Variants in MFHAS1 observed in about 807,000 individuals in gnomAD.
MFHAS1 encodes the protein multifunctional ROCO family signaling regulator 1.
Under a neutral mutation model 70.4 loss-of-function variants are expected in MFHAS1, and 50 were observed. The ratio of observed to expected loss-of-function variants is 0.71; its 90% CI spans 0.57 to 0.90. MFHAS1 has a LOEUF of 0.90. MFHAS1 is among the 40% of genes least tolerant of loss of function. MFHAS1 has a pLI of 0.00. For missense variants in MFHAS1, 1,795 were observed against 1,347.6 expected, an observed-to-expected ratio of 1.33 and a Z score of -5.20; for synonymous variants, 952 against 620.0, an observed-to-expected ratio of 1.54 and a Z score of -7.96.
chr8:8,831,234 T>C (rs929083945), intron 1 of MFHAS1, among the ~76,000 whole-genome samples: 2 of 152,186 alleles, frequency 1.3e-5, no homozygotes, highest in East Asian at 1.9e-4. Flanking sequence ...AACCTCCTTA[T>C]AGACTCTATC....
At chr8:8,869,968 T>C (rs988024692) in intron 1 of MFHAS1, among the ~76,000 whole-genome samples, 7 of 152,138 alleles carry the variant, frequency 4.6e-5, no homozygotes, top group East Asian at 1.9e-4. Flanking sequence ...TCTTACTCCA[T>C]TGAAATCCAT....
intron 1 of MFHAS1, among the ~76,000 whole-genome samples, chr8:8,853,976 G>C (rs1355072153): frequency 6.6e-6 from 1 of 152,150 alleles, no homozygotes. Flanking sequence ...TTCCATAAAA[G>C]ACACCAACCA....
intron 1 of MFHAS1, among the ~76,000 whole-genome samples, chr8:8,872,843 G>T (rs1209708531): frequency 6.6e-6 from 1 of 152,158 alleles, no homozygotes; most frequent in Non-Finnish European, 1.5e-5. Flanking sequence ...GCACATGTGT[G>T]TTTTTCTTGG....
At chr8:8,865,196 G>C (rs117918325) in intron 1 of MFHAS1, among the ~76,000 whole-genome samples, 1 of 140,690 alleles carries the variant, frequency 7.1e-6, no homozygotes, top group Admixed American at 8.2e-5. Flanking sequence ...AGAATCGCTC[G>C]AACCCAGGAG....
chr8:8,889,461 T>C (rs1259389717), intron 1 of MFHAS1, among the ~76,000 whole-genome samples: 1 of 152,244 alleles, frequency 6.6e-6, no homozygotes. Context: ...TAATTTTTAC[T>C]TTCTAATTAC....
intron 2 of MFHAS1, among the ~76,000 whole-genome samples, chr8:8,794,076 G>A (rs554050800): frequency 6.6e-6 from 1 of 152,218 alleles, no homozygotes; most frequent in East Asian, 1.9e-4. Context: ...TGTAGTCCTA[G>A]CTACTTAGGA....
intron 1 of MFHAS1, among the ~76,000 whole-genome samples, chr8:8,865,616 G>A (rs765814973): frequency 1.6e-4 from 25 of 152,172 alleles, no homozygotes; most frequent in Non-Finnish European, 3.1e-4. Context: ...TTAGAAAATG[G>A]CTGTTAAGTA....
intron 1 of MFHAS1, among the ~76,000 whole-genome samples, chr8:8,827,792 G>T (rs1482648636): frequency 6.6e-6 from 1 of 151,842 alleles, no homozygotes; most frequent in African/African-American, 2.4e-5. Context: ...ACGCTTTGGG[G>T]GGAAAAAAGT....
intron 1 of MFHAS1, among the ~76,000 whole-genome samples, chr8:8,814,920 G>A (rs1042801935): frequency 6.7e-6 from 1 of 149,928 alleles, no homozygotes; most frequent in Admixed American, 6.7e-5. Flanking sequence ...TGTTACATGG[G>A]TAAACGTGTG....
intron 1 of MFHAS1, among the ~76,000 whole-genome samples, chr8:8,840,969 C>G (rs1426883849): frequency 6.6e-6 from 1 of 152,164 alleles, no homozygotes; most frequent in African/African-American, 2.4e-5. Flanking sequence ...ACAAGGCACA[C>G]AAACTATGAC....
intron 1 of MFHAS1, among the ~76,000 whole-genome samples, chr8:8,888,687 T>C (rs2116944906): frequency 6.6e-6 from 1 of 152,214 alleles, no homozygotes; most frequent in East Asian, 1.9e-4. Context: ...AAAAGATCTG[T>C]GGTTGCCGGG....
intron 1 of MFHAS1, among the ~76,000 whole-genome samples, chr8:8,801,583 G>C (rs1290397374): frequency 6.6e-6 from 1 of 152,198 alleles, no homozygotes; most frequent in East Asian, 1.9e-4. Context: ...CTTTCAAAAT[G>C]ATCTTAACTC....
intron 1 of MFHAS1, among the ~76,000 whole-genome samples, chr8:8,832,095 A>G (rs1247367904): frequency 9.3e-6 from 1 of 107,860 alleles, no homozygotes; most frequent in Non-Finnish European, 2.1e-5. Flanking sequence ...CACACGCACC[A>G]AAGTAACTTG....
In MFHAS1 at chr8:8,891,539, T is replaced by C. The variant is rs202143016; in HGVS notation, c.1520A>G (p.Tyr507Cys). The change falls in exon 1 of 3, where the codon TAT (tyrosine) becomes TGT (cysteine). Residue 507 changes from tyrosine (Y) to cysteine (C), a missense_variant. By Grantham distance (194) the Tyr-to-Cys change is radical. Transcript: ENST00000276282. This position sits in a 1 kb window ranked among gnomAD's most constrained non-coding sequence, Gnocchi z 5.4. ...LYVLVVNLAT[Y>C]EPRHFPTTVG... Reference sequence around the variant, plus strand: ...GGTGGTAGGAAAGTGGCGAGGCTCATAGGTGGCCAAGTTGACCACCAGCAC... The same window carrying C: ...GGTGGTAGGAAAGTGGCGAGGCTCACAGGTGGCCAAGTTGACCACCAGCAC... 3 of 1,613,070 alleles carry C rather than the reference T, an allele frequency of 1.9e-6. No homozygotes were observed. The highest frequency in any genetic ancestry group is 2.5e-6 in the Non-Finnish European group (3 of 1,180,018).
At chr8:8,842,978 G>A (rs7016846) in intron 1 of MFHAS1, among the ~76,000 whole-genome samples, 14 of 152,138 alleles carry the variant, frequency 9.2e-5, no homozygotes, top group East Asian at 3.9e-4. Flanking sequence ...CTAAGAAAGC[G>A]AAAGAGGCCG....
intron 1 of MFHAS1, among the ~76,000 whole-genome samples, chr8:8,833,453 A>AC (rs781281664): frequency 9.9e-5 from 15 of 151,960 alleles, no homozygotes; most frequent in Non-Finnish European, 1.2e-4. Context: ...ACACAGGGAG[A>AC]CCCCATGTCT....
At chr8:8,857,544 G>C (rs1226435530) in intron 1 of MFHAS1, among the ~76,000 whole-genome samples, 8 of 152,098 alleles carry the variant, frequency 5.3e-5, no homozygotes, top group Admixed American at 3.9e-4. Flanking sequence ...GGATCACAAG[G>C]TCAGGAGCTC....
chr8:8,837,954 T>C (rs191360661), intron 1 of MFHAS1, among the ~76,000 whole-genome samples: 2 of 152,308 alleles, frequency 1.3e-5, no homozygotes, highest in African/African-American at 4.8e-5. Flanking sequence ...AACAATGACA[T>C]GTCCAGCACA....
intron 1 of MFHAS1, among the ~76,000 whole-genome samples, chr8:8,836,328 A>G (rs1014058212): frequency 6.6e-6 from 1 of 152,144 alleles, no homozygotes; most frequent in Non-Finnish European, 1.5e-5. Flanking sequence ...GTAATTATCA[A>G]TGGCTCTTGG....
Sources: gnomAD v4.1 joint callset for allele counts (sites outside exome capture counted in the v4.1 genomes callset) on GRCh38, gnomAD v4.1.1 for gene constraint, Gnocchi (gnomAD v3.1) non-coding constraint, MANE v1.5 for transcripts, NCBI Gene and HGNC (gene_info 2026-07-23, HGNC 2026-07-21) for gene names.